TRABD2B: variants seen among roughly 807,000 people sequenced by gnomAD.
The protein encoded by TRABD2B is metalloprotease TIKI2.
In TRABD2B, 14 loss-of-function variants were observed where a neutral mutation model predicts 40.1. The observed-to-expected ratio is 0.35, with a 90% CI of 0.23 to 0.55. TRABD2B has a LOEUF of 0.55. TRABD2B is among the 20% of genes least tolerant of loss of function. TRABD2B has a pLI of 0.90. For synonymous variants in TRABD2B, 263 were observed against 277.0 expected (o/e 0.95, Z 0.50); for missense variants, 541 against 648.6 (o/e 0.83, Z 1.80).
chr1:47,847,273 G>C (rs1002568288), intron 2 of TRABD2B, among the ~76,000 whole-genome samples: 7 of 152,116 alleles, frequency 4.6e-5, no homozygotes, highest in Admixed American at 2.6e-4. Flanking sequence ...ATCTTCCATG[G>C]TGCGCTGCCA....
intron 2 of TRABD2B, among the ~76,000 whole-genome samples, chr1:47,815,340 T>C (rs1185652111): frequency 1.3e-5 from 2 of 152,134 alleles, no homozygotes; most frequent in East Asian, 1.9e-4. Flanking sequence ...GCGGGCTGTA[T>C]GTGAGGCGAT....
intron 2 of TRABD2B, among the ~76,000 whole-genome samples, chr1:47,838,145 T>C (rs1209768256): frequency 6.6e-6 from 1 of 152,240 alleles, no homozygotes; most frequent in Non-Finnish European, 1.5e-5. Context: ...ACTTTGCCAC[T>C]GTCCTCCCTC....
chr1:47,917,546 C>A (rs1194779645), intron 2 of TRABD2B, among the ~76,000 whole-genome samples: 1 of 151,584 alleles, frequency 6.6e-6, no homozygotes, highest in Non-Finnish European at 1.5e-5. Context: ...TATAGTAAGG[C>A]CTTGTGTCTA....
intron 5 of TRABD2B, 22 bp from the exon 6 acceptor site, chr1:47,775,461 T>C (rs907706779): frequency 1.5e-5 from 18 of 1,234,084 alleles, no homozygotes; most frequent in African/African-American, 1.6e-5. Context: ...TAATGGCACA[T>C]GGGGCACATG....
At chr1:47,974,710 T>C (rs890739083) in intron 2 of TRABD2B, among the ~76,000 whole-genome samples, 1 of 152,154 alleles carries the variant, frequency 6.6e-6, no homozygotes. Flanking sequence ...TTTTTAGGAA[T>C]GGGTTGTTCA....
chr1:47,867,203 G>T (rs1644071434), intron 2 of TRABD2B, among the ~76,000 whole-genome samples: 1 of 152,138 alleles, frequency 6.6e-6, no homozygotes, highest in Non-Finnish European at 1.5e-5. Context: ...AAAAATGTTG[G>T]TTCTTTTCTA....
chr1:47,921,301 A>C (rs1227377524), intron 2 of TRABD2B, among the ~76,000 whole-genome samples: 1 of 152,204 alleles, frequency 6.6e-6, no homozygotes, highest in Non-Finnish European at 1.5e-5. Context: ...ATCTCCAAAG[A>C]CACAAATATG....
chr1:47,874,072 G>C (rs760868787), intron 2 of TRABD2B, among the ~76,000 whole-genome samples: 1 of 152,056 alleles, frequency 6.6e-6, no homozygotes, highest in Non-Finnish European at 1.5e-5. Flanking sequence ...AGGATAGAGT[G>C]AGTAGCTTGT....
chr1:47,804,403 T>A (rs1186455413), intron 2 of TRABD2B, among the ~76,000 whole-genome samples: 1 of 152,174 alleles, frequency 6.6e-6, no homozygotes, highest in Non-Finnish European at 1.5e-5. Flanking sequence ...GTCGAGTTGA[T>A]CCGCTCTCCT....
intron 2 of TRABD2B, among the ~76,000 whole-genome samples, chr1:47,931,222 T>C (rs1645035954): frequency 1.3e-5 from 2 of 152,222 alleles, no homozygotes; most frequent in South Asian, 4.1e-4. Context: ...TTCCTTCTTT[T>C]TTAAAAAAGT....
At chr1:47,862,846 AATC>A (rs1643993961) in intron 2 of TRABD2B, among the ~76,000 whole-genome samples, 1 of 152,212 alleles carries the variant, frequency 6.6e-6, no homozygotes. Flanking sequence ...ATAAAGCTAT[AATC>A]ATCAAGACAG....
chr1:47,829,676 C>T (rs989200745), intron 2 of TRABD2B, among the ~76,000 whole-genome samples: 2 of 152,172 alleles, frequency 1.3e-5, no homozygotes, highest in Admixed American at 6.5e-5. Context: ...TCACTTCACT[C>T]GTCATCAGTT....
Position 47,962,318 on chromosome 1 carries a change from A to T in TRABD2B, c.666+31716T>A, listed in dbSNP as rs181170681. Among the ~76,000 whole-genome samples the T allele has an allele frequency of 2.0e-4, 31 of 152,322 alleles. 1 individual carries two copies. Among genetic ancestry groups the T allele is most frequent in the Admixed American group, 9.8e-4 (15 of 15,298 alleles). ...CGTGGTACATGTATACATATGTACCAAACCTGCACGTTATGCACATGTACC... is the reference window on the plus strand; with the variant it reads ...CGTGGTACATGTATACATATGTACCTAACCTGCACGTTATGCACATGTACC... On this transcript the variant is annotated intron_variant, in intron 2 of 6. Transcript: ENST00000606738.
chr1:47,944,915 A>G (rs1260923664), intron 2 of TRABD2B, among the ~76,000 whole-genome samples: 1 of 152,188 alleles, frequency 6.6e-6, no homozygotes, highest in East Asian at 1.9e-4. Context: ...CTCATTAGAT[A>G]GAAAAAAGGG....
At chr1:47,856,696 T>C (rs375710200) in intron 2 of TRABD2B, among the ~76,000 whole-genome samples, 41 of 152,316 alleles carry the variant, frequency 2.7e-4, no homozygotes, top group African/African-American at 8.4e-4. Context: ...ACACAGCCTC[T>C]CATTTTTCAA....
At chr1:47,829,468 C>T (rs749732502) in intron 2 of TRABD2B, among the ~76,000 whole-genome samples, 29 of 152,122 alleles carry the variant, frequency 1.9e-4, no homozygotes, top group East Asian at 3.9e-4. Context: ...TCCTCACTGT[C>T]GATGGCGTGC....
At chr1:47,919,904 G>T (rs1644879634) in intron 2 of TRABD2B, among the ~76,000 whole-genome samples, 1 of 152,196 alleles carries the variant, frequency 6.6e-6, no homozygotes, top group South Asian at 2.1e-4. Flanking sequence ...GAGGAGAGGG[G>T]TTGAGAGGGC....
chr1:47,914,067 G>C (rs1022957618), intron 2 of TRABD2B, among the ~76,000 whole-genome samples: 2 of 152,192 alleles, frequency 1.3e-5, no homozygotes, highest in Non-Finnish European at 2.9e-5. Context: ...GCAGCTTCTC[G>C]AATTCTTTGT....
At position 47,766,090 on chromosome 1, in the gene TRABD2B, G is replaced by A. The variant is rs956841389; in HGVS notation, c.1366C>T (p.Pro456Ser). 7.1e-6 allele frequency: 5 copies of A among 701,426 alleles called. No individual in the cohort carries two copies. The highest frequency in any genetic ancestry group is 7.0e-5 in the African/African-American group (4 of 57,248). The allele number at this position is 701,426 out of a possible 1,614,324, so 43.5% of individuals were successfully genotyped here. The change falls in exon 7 of 7, where the codon CCC (proline) becomes TCC (serine). Residue 456 changes from proline to serine, a missense_variant. This residue lies in a region of TRABD2B where 172 missense variants were observed against 155.8 expected (regional missense o/e 1.10). Coordinates refer to ENST00000606738, the MANE Select transcript of TRABD2B (RefSeq NM_001194986.2). Reference sequence around the variant, plus strand: ...TGGGTGGGCTGCAGGGGCAGCGGGGGTGGTGAGGCGGTGGTGCTGGAAAGG... The same window carrying A: ...TGGGTGGGCTGCAGGGGCAGCGGGGATGGTGAGGCGGTGGTGCTGGAAAGG... ...RIEDSTTASPPPLPLQPTHSS... is the reference protein window; with the variant it reads ...RIEDSTTASPSPLPLQPTHSS...
Sources: gnomAD v4.1 joint callset for allele counts (sites outside exome capture counted in the v4.1 genomes callset) on GRCh38, gnomAD v4.1.1 for gene constraint, gnomAD v4.1.1 regional missense constraint, MANE v1.5 for transcripts, NCBI Gene and HGNC (gene_info 2026-07-23, HGNC 2026-07-21) for gene names.